The following TBL1XR1 variants were observed in gnomAD, a reference collection of about 807,000 sequenced individuals.
TBL1XR1 encodes the protein TBL1X/Y related 1, also known as F-box-like/WD repeat-containing protein TBL1XR1.
A neutral mutation model predicts 66.9 loss-of-function variants in TBL1XR1; 5 were observed. The observed-to-expected ratio is 0.07, with a 90% confidence interval of 0.04 to 0.16. The LOEUF is 0.16. TBL1XR1 is among the 10% of genes least tolerant of loss of function. TBL1XR1 has a pLI of 1.00. For missense variants in TBL1XR1, 238 were observed against 623.2 expected (o/e 0.38, Z 6.58); for synonymous variants, 210 against 206.0 (o/e 1.02, Z -0.17).
intron 14 of TBL1XR1, among the ~76,000 whole-genome samples, chr3:177,031,360 G>A (rs570924265): frequency 6.6e-6 from 1 of 150,384 alleles, no homozygotes; most frequent in African/African-American, 2.4e-5. Flanking sequence ...TTTGAGACAG[G>A]GTCTCACTCT....
intron 3 of TBL1XR1, among the ~76,000 whole-genome samples, 158 bp from the exon 4 acceptor site, chr3:177,054,076 G>GCA (rs1433113557): frequency 8.0e-5 from 12 of 150,268 alleles, no homozygotes; most frequent in African/African-American, 2.7e-4. Context: ...GTGTGTGTGC[G>GCA]CGCGCGTGTG....
At chr3:177,098,615 GTTACA>G in intron 1 of TBL1XR1, 74 bp from the exon 2 acceptor site, 1 of 770,606 alleles carries the variant, frequency 1.3e-6, no homozygotes, top group Non-Finnish European at 1.6e-6. Context: ...CATACCAAAT[GTTACA>G]TGTTTGAAAT....
intron 1 of TBL1XR1, chr3:177,195,480 T>C: frequency 1.7e-5 from 1 of 59,218 alleles, no homozygotes; most frequent in Non-Finnish European, 5.7e-5. Flanking sequence ...GAAGTCGGCA[T>C]TACTAAAATA....
chr3:177,189,116 T>C (rs1267685448), intron 1 of TBL1XR1, among the ~76,000 whole-genome samples: 2 of 151,138 alleles, frequency 1.3e-5, no homozygotes, highest in African/African-American at 4.9e-5. Context: ...GCTGAGGCAG[T>C]AGAATCGCTT....
At chr3:177,109,108 T>A (rs993941663) in intron 1 of TBL1XR1, among the ~76,000 whole-genome samples, 1 of 152,180 alleles carries the variant, frequency 6.6e-6, no homozygotes, top group Non-Finnish European at 1.5e-5. Flanking sequence ...AATTCACAGA[T>A]AAATATGGGG....
chr3:177,111,065 A>C (rs1725493347), intron 1 of TBL1XR1, among the ~76,000 whole-genome samples: 1 of 152,178 alleles, frequency 6.6e-6, no homozygotes, highest in Non-Finnish European at 1.5e-5. Context: ...ACAGGACAGG[A>C]CAGGCTAGCA....
chr3:177,031,811 G>A (rs1178222996), intron 14 of TBL1XR1, among the ~76,000 whole-genome samples: 3 of 151,558 alleles, frequency 2.0e-5, no homozygotes, highest in African/African-American at 7.2e-5. Flanking sequence ...AAAATGTAAT[G>A]TAAGATTCAG....
At chr3:177,049,881 T>C (rs914632888) in intron 7 of TBL1XR1, 116 bp downstream of exon 7, 2 of 729,142 alleles carry the variant, frequency 2.7e-6, no homozygotes, top group Non-Finnish European at 3.8e-6. Context: ...GGTTTGTTGT[T>C]ACTAGTTAAT....
At chr3:177,126,797 T>A (rs1290674181) in intron 1 of TBL1XR1, among the ~76,000 whole-genome samples, 2 of 112,856 alleles carry the variant, frequency 1.8e-5, no homozygotes, top group Non-Finnish European at 3.6e-5. Flanking sequence ...ATCCTTGATT[T>A]CATCCCCCAT....
chr3:177,144,052 C>A (rs923336810), intron 1 of TBL1XR1, among the ~76,000 whole-genome samples: 1 of 151,886 alleles, frequency 6.6e-6, no homozygotes, highest in African/African-American at 2.4e-5. Flanking sequence ...TTAAGACCAG[C>A]CTGACCAACA....
At chr3:177,070,728 C>T (rs1158613875) in intron 2 of TBL1XR1, among the ~76,000 whole-genome samples, 1 of 152,018 alleles carries the variant, frequency 6.6e-6, no homozygotes, top group Non-Finnish European at 1.5e-5. Context: ...TGCCTGTAAT[C>T]CCAGTTACTC....
chr3:177,044,544 G>C (rs1298267574), intron 10 of TBL1XR1, among the ~76,000 whole-genome samples: 1 of 152,100 alleles, frequency 6.6e-6, no homozygotes, highest in Non-Finnish European at 1.5e-5. Context: ...AAGAAGAAAC[G>C]TCTGAAGGTA....
chr3:177,047,642 G>A, intron 7 of TBL1XR1, 93 bp from the exon 8 acceptor site: 1 of 1,378,168 alleles, frequency 7.3e-7, no homozygotes, highest in Middle Eastern at 2.5e-4. Flanking sequence ...AGGTACAGAA[G>A]AGAATGAAGA....
intron 1 of TBL1XR1, among the ~76,000 whole-genome samples, chr3:177,108,864 G>T (rs1560184667): frequency 6.6e-6 from 1 of 152,124 alleles, no homozygotes; most frequent in East Asian, 1.9e-4. Context: ...AAGGAAGGAA[G>T]AAACAGAAAA....
At chr3:177,029,681 C>A (rs1298339663) in intron 14 of TBL1XR1, among the ~76,000 whole-genome samples, 1 of 152,034 alleles carries the variant, frequency 6.6e-6, no homozygotes, top group Non-Finnish European at 1.5e-5. Context: ...AAACACTCCA[C>A]ATGAAGAAAA....
intron 2 of TBL1XR1, among the ~76,000 whole-genome samples, chr3:177,091,867 G>C (rs1722882349): frequency 6.6e-6 from 1 of 152,128 alleles, no homozygotes; most frequent in Non-Finnish European, 1.5e-5. Flanking sequence ...GTTGGGGAAA[G>C]TTTCTCTTTA....
chr3:177,142,983 T>G (rs1346495964), intron 1 of TBL1XR1, among the ~76,000 whole-genome samples: 4 of 151,952 alleles, frequency 2.6e-5, no homozygotes, highest in African/African-American at 4.8e-5. Context: ...GGGTGGTCTA[T>G]TTAGTGCCAC....
chr3:177,033,091 C>G lies in TBL1XR1; in HGVS notation c.1296G>C (p.Gly432=). Reference sequence around the variant, plus strand: ...GTTTTGTCAAGGTATGGATGCATATCCCTCGGTCTACATCCCATAACCTAA... The same window carrying G: ...GTTTTGTCAAGGTATGGATGCATATGCCTCGGTCTACATCCCATAACCTAA... ...STVRLWDVDR[G]ICIHTLTKHQ... Residue 432 remains glycine (G), a synonymous_variant, in exon 14 of 16, where the codon GGG becomes GGC. Coordinates refer to ENST00000457928, the MANE Select transcript of TBL1XR1 (RefSeq NM_024665.7). 3 of 1,603,006 alleles carry G rather than the reference C, an allele frequency of 1.9e-6. No individual in the cohort carries two copies. The South Asian group carries it at 3.3e-5, about 18-fold the overall frequency.
intron 1 of TBL1XR1, among the ~76,000 whole-genome samples, chr3:177,168,573 C>T (rs1577368303): frequency 1.3e-5 from 2 of 152,176 alleles, no homozygotes; most frequent in African/African-American, 4.8e-5. Context: ...TGAGCTACCA[C>T]GTCCGGCCAT....
Sources: gnomAD v4.1 joint callset for allele counts (sites outside exome capture counted in the v4.1 genomes callset) on GRCh38, gnomAD v4.1.1 for gene constraint, MANE v1.5 for transcripts, NCBI Gene and HGNC (gene_info 2026-07-23, HGNC 2026-07-21) for gene names.